MRS2: variants seen among roughly 807,000 people sequenced by gnomAD.
The protein encoded by MRS2 is magnesium transporter MRS2 homolog, mitochondrial.
A neutral mutation model predicts 52.6 loss-of-function variants in MRS2; 40 were observed. The observed-to-expected ratio is 0.76, with a 90% CI of 0.59 to 0.99. The LOEUF (loss-of-function observed/expected upper bound fraction) is 0.99. MRS2 is among the 50% of genes least tolerant of loss of function. The pLI is 0.00. For missense variants in MRS2, 472 were observed against 532.7 expected, an observed-to-expected ratio of 0.89 and a Z score of 1.12; for synonymous variants, 193 against 195.9, an observed-to-expected ratio of 0.98 and a Z score of 0.13.
rs772904013 is a variant in MRS2 at position 24,418,161 on chromosome 6, A to C, written c.914A>C (p.Asp305Ala). The C allele has an allele frequency of 1.2e-6, 2 of 1,613,722 alleles. No homozygotes were observed. Among genetic ancestry groups the C allele is most frequent in the African/African-American group, 1.3e-5 (1 of 74,914 alleles). Residue 305 changes from aspartate (D) to alanine (A), a missense_variant, in exon 8 of 11, where the codon GAT becomes GCT. Coordinates refer to ENST00000378386, the MANE Select transcript of MRS2 (RefSeq NM_020662.4). Reference protein sequence around the residue: ...LLENYYRLADDLSNAARELRV... With the variant: ...LLENYYRLADALSNAARELRV... ...GAAAACTACTACCGATTGGCTGACG[A>C]TCTCTCCAATGCAGCTCGTGAGCTT...
intron 2 of MRS2, among the ~76,000 whole-genome samples, 198 bp from the exon 3 acceptor site, chr6:24,408,210 A>T (rs985043767): frequency 1.3e-5 from 2 of 152,178 alleles, no homozygotes; most frequent in Non-Finnish European, 2.9e-5. Flanking sequence ...TTCCTATCAA[A>T]GGAAAAAAGG....
intron 4 of MRS2, among the ~76,000 whole-genome samples, chr6:24,411,120 G>T (rs1417187117): frequency 6.6e-6 from 1 of 151,576 alleles, no homozygotes; most frequent in African/African-American, 2.4e-5. Context: ...AACCCTGAAG[G>T]TGGAGGTTGC....
intron 5 of MRS2, among the ~76,000 whole-genome samples, chr6:24,413,309 G>A (rs1761729309): frequency 6.6e-6 from 1 of 152,120 alleles, no homozygotes; most frequent in South Asian, 2.1e-4. Flanking sequence ...TGGCTGTGGG[G>A]AGAATAGAGA....
In MRS2 at chr6:24,402,958, T is replaced by C. The variant is rs1049466507; in HGVS notation, c.-89T>C. 4 of 1,269,734 alleles carry C rather than the reference T, an allele frequency of 3.2e-6. No individual in the cohort carries two copies. The highest frequency in any genetic ancestry group is 2.0e-4 in the Middle Eastern group (1 of 5,032). The allele number at this position is 1,269,734 out of a possible 1,614,324, so 78.7% of individuals were successfully genotyped here. ...TGCACAGAGTCTGCAGGTCGGGCGG[T>C]AGCGACAGGTCAGAGCTGCGGCCTG... is the stretch of plus-strand genomic sequence containing the variant. On this transcript the variant is annotated 5_prime_UTR_variant, in exon 1 of 11. Transcript: ENST00000378386.
chr6:24,412,191 TTATA>T, intron 4 of MRS2, 27 bp from the exon 5 acceptor site: 1 of 1,408,202 alleles, frequency 7.1e-7, no homozygotes, highest in Middle Eastern at 2.6e-4. Context: ...ACTCACATAT[TTATA>T]TGTTTTGGTT....
intron 2 of MRS2, among the ~76,000 whole-genome samples, 175 bp from the exon 3 acceptor site, chr6:24,408,233 C>A (rs988139657): frequency 6.6e-6 from 1 of 152,112 alleles, no homozygotes; most frequent in Admixed American, 6.5e-5. Context: ...TTTAAAAAAA[C>A]CCTTAACTCA....
intron 2 of MRS2, among the ~76,000 whole-genome samples, chr6:24,406,976 ATTT>A (rs1205519025): frequency 3.3e-5 from 5 of 152,208 alleles, no homozygotes; most frequent in Non-Finnish European, 5.9e-5. Context: ...GATTTAAAAA[ATTT>A]TTTTAAGTTC....
chr6:24,410,595 AG>A (rs143151643), intron 4 of MRS2: 8,422 of 572,430 alleles, frequency 0.015, 536 homozygotes, highest in African/African-American at 0.14. Context: ...CTGAAGTGGG[AG>A]GGTCACCAGA....
intron 9 of MRS2, among the ~76,000 whole-genome samples, chr6:24,420,212 C>CG (rs902065152): frequency 1.1e-4 from 16 of 152,272 alleles, no homozygotes; most frequent in African/African-American, 3.6e-4. Flanking sequence ...CTCAGATCCC[C>CG]GTTTTGCTTA....
chr6:24,416,104 T>C (rs1428780677), intron 6 of MRS2, among the ~76,000 whole-genome samples: 2 of 152,154 alleles, frequency 1.3e-5, no homozygotes, highest in Non-Finnish European at 2.9e-5. Context: ...CTAAATTTTT[T>C]TGTAGAGACA....
chr6:24,410,721 C>G (rs1191470239), intron 4 of MRS2: 1 of 1,523,678 alleles, frequency 6.6e-7, no homozygotes, highest in East Asian at 2.5e-5. Flanking sequence ...ATGTGATTTT[C>G]TTCAGAAATA....
In MRS2 at chr6:24,403,238, T is replaced by C. The variant is rs1581691392; in HGVS notation, c.190+2T>C. On this transcript the variant is annotated splice_donor_variant, in intron 1 of 10. Coordinates refer to ENST00000378386, the MANE Select transcript of MRS2 (RefSeq NM_020662.4). LOFTEE classifies it high-confidence loss of function. ...GGCCCGACCGGCTCCGCGTGGCAGG[T>C]ACTGCCCTTCCCCGGCAACAGCCTT... 6.3e-7 allele frequency: 1 copy of C among 1,590,576 alleles called. No individual in the cohort carries two copies. The highest frequency in any genetic ancestry group is 1.1e-5 in the South Asian group (1 of 89,612).
At chr6:24,421,938 C>T (rs888095349) in intron 9 of MRS2, among the ~76,000 whole-genome samples, 34 of 152,156 alleles carry the variant, frequency 2.2e-4, no homozygotes, top group African/African-American at 8.2e-4. Context: ...CACTTTAGGC[C>T]AGGAGTTCGA....
At chr6:24,413,738 A>T (rs1466628806) in intron 5 of MRS2, among the ~76,000 whole-genome samples, 5 of 152,230 alleles carry the variant, frequency 3.3e-5, no homozygotes, top group Non-Finnish European at 5.9e-5. Flanking sequence ...GTTTCCAAAT[A>T]AAAAAATCTG....
At position 24,405,244 on chromosome 6, in the gene MRS2, G is replaced by A; in HGVS notation, c.264+3G>A. ...GTGTAGCCCCAGTATTTACTGTGGT[G>A]AGTATGTACAGTACATTGGAAATCG... On this transcript the variant is annotated splice_donor_region_variant and intron_variant, in intron 2 of 10. Transcript: ENST00000378386. 6.2e-7 allele frequency: 1 copy of A among 1,606,350 alleles called. No individual in the cohort carries two copies. The highest frequency in any genetic ancestry group is 1.3e-5 in the African/African-American group (1 of 74,920).
chr6:24,406,121 A>G (rs984079232), intron 2 of MRS2, among the ~76,000 whole-genome samples: 1 of 148,452 alleles, frequency 6.7e-6, no homozygotes, highest in African/African-American at 2.4e-5. Context: ...AAAAAAAAAA[A>G]GGTGTGCCTA....
chr6:24,409,996 ATTT>A (rs200581439), intron 4 of MRS2, among the ~76,000 whole-genome samples: 1 of 150,534 alleles, frequency 6.6e-6, no homozygotes, highest in African/African-American at 2.4e-5. Context: ...TATAGCCTTA[ATTT>A]TTTTTTTGAG....
At chr6:24,416,619 C>A in intron 7 of MRS2, 106 bp downstream of exon 7, 1 of 721,610 alleles carries the variant, frequency 1.4e-6, no homozygotes, top group Non-Finnish European at 2.5e-6. Context: ...TTCTGGACTA[C>A]AGAATATAGA....
At chr6:24,409,234 A>T (rs1386746875) in intron 3 of MRS2, among the ~76,000 whole-genome samples, 1 of 152,210 alleles carries the variant, frequency 6.6e-6, no homozygotes, top group Non-Finnish European at 1.5e-5. Context: ...AGGGTCTTCT[A>T]AGTAGTGAGA....
Sources: allele counts gnomAD v4.1 joint callset (sites outside exome capture counted in the v4.1 genomes callset), GRCh38; gene constraint gnomAD v4.1.1; transcripts MANE v1.5; gene names NCBI Gene and HGNC (gene_info 2026-07-23, HGNC 2026-07-21).